Variants in SLC9A9 observed in about 807,000 individuals in gnomAD.
SLC9A9 encodes the protein sodium/hydrogen exchanger 9.
Under a neutral mutation model 77.8 loss-of-function variants are expected in SLC9A9, and 62 were observed. The observed-to-expected ratio is 0.80, with a 90% CI of 0.65 to 0.98. SLC9A9 has a LOEUF of 0.98. Ranked by LOEUF, SLC9A9 falls within the 50% of genes least tolerant of loss-of-function variation. SLC9A9 has a pLI of 0.00. For missense variants in SLC9A9, 775 were observed against 774.9 expected, an observed-to-expected ratio of 1.00 and a Z score of 0.00; for synonymous variants, 320 against 283.5, an observed-to-expected ratio of 1.13 and a Z score of -1.29.
chr3:143,586,641 A>G (rs1292561593), intron 6 of SLC9A9, among the ~76,000 whole-genome samples: 3 of 152,228 alleles, frequency 2.0e-5, no homozygotes. Context: ...TTGCTTAATT[A>G]TGAATAAGGA....
At chr3:143,660,901 T>C (rs571888038) in intron 5 of SLC9A9, among the ~76,000 whole-genome samples, 3 of 152,308 alleles carry the variant, frequency 2.0e-5, no homozygotes, top group African/African-American at 7.2e-5. Flanking sequence ...AGGCTGTAGA[T>C]TTTCAAATAT....
chr3:143,482,865 A>G (rs1025074758), intron 11 of SLC9A9, among the ~76,000 whole-genome samples: 29 of 152,284 alleles, frequency 1.9e-4, no homozygotes, highest in Admixed American at 1.4e-3. Context: ...GGGAACTGAG[A>G]GCTGAGGCGG....
chr3:143,838,287 G>A (rs1259521544), intron 1 of SLC9A9, among the ~76,000 whole-genome samples: 1 of 152,140 alleles, frequency 6.6e-6, no homozygotes, highest in African/African-American at 2.4e-5. Flanking sequence ...TTGTTTTAGG[G>A]AGAGGTATAC....
At chr3:143,585,929 G>C (rs1380875560) in intron 6 of SLC9A9, among the ~76,000 whole-genome samples, 1 of 152,204 alleles carries the variant, frequency 6.6e-6, no homozygotes, top group Non-Finnish European at 1.5e-5. Context: ...TCCACTGCAG[G>C]TTCTACACTG....
At chr3:143,559,409 T>C (rs536294664) in intron 8 of SLC9A9, among the ~76,000 whole-genome samples, 1 of 152,342 alleles carries the variant, frequency 6.6e-6, no homozygotes, top group South Asian at 2.1e-4. Flanking sequence ...GACGTTCCTA[T>C]CATATGTTTA....
chr3:143,310,218 C>T (rs74688926), intron 14 of SLC9A9, among the ~76,000 whole-genome samples: 26 of 152,256 alleles, frequency 1.7e-4, no homozygotes, highest in African/African-American at 4.6e-4. Flanking sequence ...TCTAGAGCAA[C>T]ATGCCATTTT....
intron 6 of SLC9A9, among the ~76,000 whole-genome samples, chr3:143,622,147 C>A (rs1209802690): frequency 6.6e-6 from 1 of 151,538 alleles, no homozygotes. Context: ...GACTGGTGTA[C>A]CTGAAAGTGA....
At chr3:143,574,351 A>G (rs975042139) in intron 7 of SLC9A9, among the ~76,000 whole-genome samples, 158 bp from the exon 8 acceptor site, 10 of 152,310 alleles carry the variant, frequency 6.6e-5, no homozygotes, top group Non-Finnish European at 1.3e-4. Flanking sequence ...ACTGGGACCT[A>G]CTTTGAAGGC....
intron 14 of SLC9A9, among the ~76,000 whole-genome samples, chr3:143,345,305 G>GAATGGAAAAGAAAGATGAACCTGAA (rs2108468193): frequency 6.6e-6 from 1 of 152,274 alleles, no homozygotes; most frequent in African/African-American, 2.4e-5. Flanking sequence ...TTCCAGCATT[G>GAATGGAAAAGAAAGATGAACCTGAA]AATGGAAAAG....
At chr3:143,844,302 T>A (rs891267812) in intron 1 of SLC9A9, among the ~76,000 whole-genome samples, 1 of 151,900 alleles carries the variant, frequency 6.6e-6, no homozygotes, top group Non-Finnish European at 1.5e-5. Context: ...TAAGCCCCTG[T>A]TCTCTAGAAT....
chr3:143,568,333 A>AT (rs2037204461), intron 8 of SLC9A9, among the ~76,000 whole-genome samples: 1 of 152,050 alleles, frequency 6.6e-6, no homozygotes, highest in Non-Finnish European at 1.5e-5. Flanking sequence ...AGAAGATGTT[A>AT]TCCATTGGAG....
At chr3:143,736,213 TC>T (rs1934938362) in intron 4 of SLC9A9, among the ~76,000 whole-genome samples, 1 of 152,182 alleles carries the variant, frequency 6.6e-6, no homozygotes, top group Non-Finnish European at 1.5e-5. Flanking sequence ...AAATTTAGTC[TC>T]CCCTTGTCCC....
chr3:143,816,032 G>A (rs10513219), intron 2 of SLC9A9, among the ~76,000 whole-genome samples: 34,417 of 152,094 alleles, frequency 0.23, 4,006 homozygotes, highest in South Asian at 0.35. Flanking sequence ...GTATGTGCTT[G>A]ACTTCACCTC....
chr3:143,723,440 A>C (rs1185787013), intron 4 of SLC9A9, among the ~76,000 whole-genome samples: 1 of 152,088 alleles, frequency 6.6e-6, no homozygotes, highest in Non-Finnish European at 1.5e-5. Flanking sequence ...GATGGATAGC[A>C]CCTCTAAACC....
intron 14 of SLC9A9, among the ~76,000 whole-genome samples, chr3:143,339,082 C>T (rs937745887): frequency 6.6e-6 from 1 of 152,156 alleles, no homozygotes; most frequent in Non-Finnish European, 1.5e-5. Flanking sequence ...TTTCTGTCTC[C>T]TACACAAGGC....
intron 12 of SLC9A9, among the ~76,000 whole-genome samples, chr3:143,425,398 T>C (rs1040493269): frequency 5.3e-5 from 8 of 151,670 alleles, no homozygotes; most frequent in Admixed American, 3.3e-4. Context: ...TAAAAATATA[T>C]ATGTATGGTT....
intron 14 of SLC9A9, among the ~76,000 whole-genome samples, chr3:143,277,450 A>G (rs1407017415): frequency 4.6e-5 from 7 of 152,200 alleles, no homozygotes; most frequent in African/African-American, 1.7e-4. Context: ...TGGTCTCTTG[A>G]AAGGCTCTGA....
At chr3:143,374,282 G>A (rs572873126) in intron 13 of SLC9A9, among the ~76,000 whole-genome samples, 162 of 151,818 alleles carry the variant, frequency 1.1e-3, no homozygotes, top group Non-Finnish European at 1.5e-3. Flanking sequence ...AAAATTAGCC[G>A]GGCGTGGTGG....
chr3:143,398,818 C>T (rs1253973058), intron 12 of SLC9A9, among the ~76,000 whole-genome samples: 2 of 152,100 alleles, frequency 1.3e-5, no homozygotes, highest in East Asian at 3.8e-4. Context: ...GGATATATAA[C>T]AGTTGCCAAA....
Sources: allele counts gnomAD v4.1 joint callset (sites outside exome capture counted in the v4.1 genomes callset), GRCh38; gene constraint gnomAD v4.1.1; transcripts MANE v1.5; gene names NCBI Gene and HGNC (gene_info 2026-07-23, HGNC 2026-07-21).